The following AP3B1 variants were observed in gnomAD, a reference collection of about 807,000 sequenced individuals.
AP3B1 encodes adaptor related protein complex 3 subunit beta 1, also known as AP-3 complex subunit beta-1.
Under a neutral mutation model 132.5 loss-of-function variants are expected in AP3B1, and 61 were observed. The observed-to-expected ratio is 0.46, with a 90% CI of 0.37 to 0.57. The LOEUF (loss-of-function observed/expected upper bound fraction) is 0.57, where lower values mean the gene tolerates loss of function less well. Among genes scored for constraint, AP3B1 ranks in the 20% least tolerant of loss-of-function variants. AP3B1 has a pLI of 0.00. For synonymous variants in AP3B1, 388 were observed against 438.3 expected (o/e 0.89, Z 1.43); for missense variants, 1,120 against 1,289.4 (o/e 0.87, Z 2.01).
In AP3B1 at chr5:78,110,191, A is replaced by G. The variant is rs1751512569; in HGVS notation, c.2397+16T>C. The G allele has an allele frequency of 1.9e-6, 3 of 1,594,414 alleles. No homozygotes were observed. Among genetic ancestry groups the G allele is most frequent in the Non-Finnish European group, 2.6e-6 (3 of 1,167,702 alleles). ...GAATATTTACCTTCAATTACAACAA[A>G]TGTATAATCTCTTACCTTAGTGACT... On this transcript the variant is annotated intron_variant, in intron 20 of 26. Transcript: ENST00000255194.
chr5:78,241,754 T>C (rs1747149915), intron 2 of AP3B1, among the ~76,000 whole-genome samples: 1 of 152,224 alleles, frequency 6.6e-6, no homozygotes, highest in African/African-American at 2.4e-5. Flanking sequence ...TCCACATCTC[T>C]AACTAGACAT....
intron 21 of AP3B1, among the ~76,000 whole-genome samples, chr5:78,096,950 C>T (rs35531277): frequency 0.2 from 28,065 of 137,074 alleles, 3,709 homozygotes; most frequent in South Asian, 0.3. Flanking sequence ...TCTGCCCAGC[C>T]GCCCCTACTG....
chr5:78,136,233 T>C (rs1282481049), intron 15 of AP3B1, among the ~76,000 whole-genome samples: 3 of 152,140 alleles, frequency 2.0e-5, no homozygotes, highest in South Asian at 2.1e-4. Flanking sequence ...TAGGCACTAT[T>C]ATGTGCAAGG....
intron 3 of AP3B1, among the ~76,000 whole-genome samples, chr5:78,237,799 C>T (rs770259270): frequency 1.3e-5 from 2 of 152,052 alleles, no homozygotes; most frequent in South Asian, 2.1e-4. Context: ...GGCAACACAG[C>T]GAGACCCTGT....
At chr5:78,158,323 G>A (rs1580421903) in intron 13 of AP3B1, among the ~76,000 whole-genome samples, 1 of 152,000 alleles carries the variant, frequency 6.6e-6, no homozygotes, top group African/African-American at 2.4e-5. Flanking sequence ...CAGGAGTTGT[G>A]GCACGTGCCT....
At chr5:78,138,101 T>C (rs1752990620) in intron 15 of AP3B1, among the ~76,000 whole-genome samples, 1 of 152,212 alleles carries the variant, frequency 6.6e-6, no homozygotes, top group South Asian at 2.1e-4. Context: ...TTTTAGTCTG[T>C]CTTATATCTA....
At chr5:78,116,344 T>C in intron 17 of AP3B1, 110 bp from the exon 18 acceptor site, 1 of 899,178 alleles carries the variant, frequency 1.1e-6, no homozygotes, top group Non-Finnish European at 1.8e-6. Context: ...GCTTAAGGCC[T>C]CCACAGGGAA....
chr5:78,249,579 CTTTT>C (rs71301504), intron 2 of AP3B1, among the ~76,000 whole-genome samples: 3 of 105,072 alleles, frequency 2.9e-5, no homozygotes, highest in Non-Finnish European at 3.8e-5. Context: ...TTTTCTTTTT[CTTTT>C]TTTTTTTTTT....
intron 26 of AP3B1, among the ~76,000 whole-genome samples, chr5:78,004,401 A>AC (rs1746310022): frequency 1.3e-5 from 2 of 152,090 alleles, no homozygotes. Flanking sequence ...ACTCAGAAAA[A>AC]CTTCACTCCC....
chr5:78,027,528 AT>A (rs1026401705), intron 24 of AP3B1, among the ~76,000 whole-genome samples: 2 of 150,762 alleles, frequency 1.3e-5, no homozygotes, highest in South Asian at 2.1e-4. Flanking sequence ...TTTCTTGTGC[AT>A]TTTTTTTTCC....
chr5:78,129,419 G>T, intron 15 of AP3B1, 112 bp from the exon 16 acceptor site: 1 of 950,816 alleles, frequency 1.1e-6, no homozygotes, highest in Non-Finnish European at 1.7e-6. Context: ...TCAAACAAAT[G>T]TTGTTCCATA....
intron 15 of AP3B1, among the ~76,000 whole-genome samples, chr5:78,135,683 A>G (rs994961776): frequency 1.3e-5 from 2 of 152,236 alleles, no homozygotes; most frequent in African/African-American, 4.8e-5. Context: ...AAAATGAGCT[A>G]AGAAAAACAT....
chr5:78,117,922 T>C (rs929361097), intron 17 of AP3B1, among the ~76,000 whole-genome samples: 10 of 152,354 alleles, frequency 6.6e-5, no homozygotes, highest in Admixed American at 3.3e-4. Flanking sequence ...GACTCATTTA[T>C]TGATTGTACC....
chr5:78,160,827 A>T (rs1214385777), intron 13 of AP3B1, among the ~76,000 whole-genome samples: 2 of 152,014 alleles, frequency 1.3e-5, no homozygotes, highest in South Asian at 4.1e-4. Context: ...TTTGATATAA[A>T]TATTCTCCTT....
chr5:78,215,200 T>A (rs968986448), intron 7 of AP3B1, among the ~76,000 whole-genome samples: 1 of 151,940 alleles, frequency 6.6e-6, no homozygotes, highest in African/African-American at 2.4e-5. Context: ...CAGGAGCTTT[T>A]TAAAAATCTT....
chr5:78,031,459 T>C (rs1311220373), intron 24 of AP3B1, among the ~76,000 whole-genome samples: 1 of 152,180 alleles, frequency 6.6e-6, no homozygotes, highest in East Asian at 1.9e-4. Context: ...TCACACAAAC[T>C]CAAACCCTGC....
intron 7 of AP3B1, among the ~76,000 whole-genome samples, chr5:78,215,365 C>T (rs1580497525): frequency 6.6e-6 from 1 of 151,520 alleles, no homozygotes; most frequent in Admixed American, 6.6e-5. Flanking sequence ...TGTATACATC[C>T]TAAGGATCTT....
chr5:78,088,178 A>T (rs1426739787), intron 22 of AP3B1, among the ~76,000 whole-genome samples: 1 of 152,188 alleles, frequency 6.6e-6, no homozygotes, highest in Non-Finnish European at 1.5e-5. Context: ...TTCTTTAGAG[A>T]CTACCACAAA....
chr5:78,252,932 CCTGTGCTGG>C (rs1747702137), intron 2 of AP3B1, among the ~76,000 whole-genome samples: 1 of 152,204 alleles, frequency 6.6e-6, no homozygotes. Flanking sequence ...AAGACCCAGT[CCTGTGCTGG>C]CTTCAGGTCT....
Sources: allele counts gnomAD v4.1 joint callset (sites outside exome capture counted in the v4.1 genomes callset), GRCh38; gene constraint gnomAD v4.1.1; transcripts MANE v1.5; gene names NCBI Gene and HGNC (gene_info 2026-07-23, HGNC 2026-07-21).